The following CAMSAP3 variants were observed in gnomAD, a reference collection of about 807,000 sequenced individuals.
The protein encoded by CAMSAP3 is calmodulin regulated spectrin associated protein family member 3.
Under a neutral mutation model 112.5 loss-of-function variants are expected in CAMSAP3, and 34 were observed. That is an observed-to-expected ratio of 0.30 (90% confidence interval 0.23 to 0.40). The LOEUF is 0.40. Ranked by LOEUF, CAMSAP3 falls within the 10% of genes least tolerant of loss-of-function variation. The pLI is 1.00. For synonymous variants in CAMSAP3, 868 were observed against 799.8 expected (o/e 1.09, Z -1.44); for missense variants, 1,602 against 1,770.3 (o/e 0.90, Z 1.71).
At position 7,610,661 on chromosome 19, in the gene CAMSAP3, C is replaced by G; in HGVS notation, c.901-39C>G. 1 of 1,613,750 alleles carries G rather than the reference C, an allele frequency of 6.2e-7. No homozygotes were observed. The highest frequency in any genetic ancestry group is 2.2e-5 in the East Asian group (1 of 44,884). ...CCTGGGCCGAGGCGGGCATCTGGGG[C>G]CAGGGGTCCCGTCTGCTGACCCGGC... is the stretch of plus-strand genomic sequence containing the variant. On this transcript the variant is annotated intron_variant, in intron 6 of 16. Transcript: ENST00000160298. This position sits in a 1 kb window ranked among gnomAD's most constrained non-coding sequence, Gnocchi z 4.9.
In CAMSAP3 at chr19:7,615,019, C is replaced by A; in HGVS notation, c.2671-164C>A. 1 of 776,218 alleles carries A rather than the reference C, an allele frequency of 1.3e-6. No homozygotes were observed. The highest frequency in any genetic ancestry group is 2.2e-6 in the Non-Finnish European group (1 of 464,582). The allele number at this position is 776,218 out of a possible 1,614,324, so 48.1% of individuals were successfully genotyped here. On this transcript the variant is annotated intron_variant, in intron 11 of 16. Coordinates refer to ENST00000160298, the MANE Select transcript of CAMSAP3 (RefSeq NM_020902.2). This position sits in a 1 kb window ranked among gnomAD's most constrained non-coding sequence, Gnocchi z 6.5. ...ATCCCATCCCTGTTGTGTCCCAGTA[C>A]TTAGTGTGGGGCTGTGCATACAGTA...
Position 7,617,738 on chromosome 19 carries a change from G to A in CAMSAP3, c.3445-14G>A. 1 of 1,611,874 alleles carries A rather than the reference G, an allele frequency of 6.2e-7. No individual in the cohort carries two copies. Among genetic ancestry groups the A allele is most frequent in the Middle Eastern group, 1.7e-4 (1 of 6,058 alleles). On this transcript the variant is annotated splice_polypyrimidine_tract_variant and intron_variant, in intron 16 of 16. Coordinates refer to ENST00000160298, the MANE Select transcript of CAMSAP3 (RefSeq NM_020902.2). This position sits in a 1 kb window ranked among gnomAD's most constrained non-coding sequence, Gnocchi z 7.5. ...TGACTTGGCCAGCTGACCATTTCCA[G>A]CACTCCTGCCCAGGAAATTGAGAAA...
rs370432235 is a variant in CAMSAP3 at position 7,611,644 on chromosome 19, C to T, written c.1194-43C>T. On this transcript the variant is annotated intron_variant, in intron 10 of 16. Coordinates refer to ENST00000160298, the MANE Select transcript of CAMSAP3 (RefSeq NM_020902.2). This position sits in a 1 kb window ranked among gnomAD's most constrained non-coding sequence, Gnocchi z 6.9. Reference sequence around the variant, plus strand: ...GGAGCAGGCTAGGGCGGGTTGGGGCCGAGGCTGGTCCCAGGGGCTGACCCC... The same window carrying T: ...GGAGCAGGCTAGGGCGGGTTGGGGCTGAGGCTGGTCCCAGGGGCTGACCCC... The T allele has an allele frequency of 7.6e-6, 12 of 1,582,580 alleles. No individual in the cohort carries two copies. The highest frequency in any genetic ancestry group is 7.1e-5 in the Admixed American group (4 of 56,548).
Position 7,612,662 on chromosome 19 carries a change from G to C in CAMSAP3, c.2169G>C (p.Gln723His), listed in dbSNP as rs1037549120. 4.6e-6 allele frequency: 7 copies of C among 1,512,774 alleles called. No homozygotes were observed. Among genetic ancestry groups the C allele is most frequent in the Non-Finnish European group, 6.2e-6 (7 of 1,131,926 alleles). The allele number at this position is 1,512,774 out of a possible 1,614,324, so 93.7% of individuals were successfully genotyped here. ...GGGACATGCAGAGGCTCACGGACCAGCAGCAGCGGCTCCTGGCCCCGCCCG... is the reference window on the plus strand; with the variant it reads ...GGGACATGCAGAGGCTCACGGACCACCAGCAGCGGCTCCTGGCCCCGCCCG... ...LQRDMQRLTD[Q>H]QQRLLAPPEA... The change falls in exon 11 of 17, where the codon CAG (glutamine) becomes CAC (histidine). Residue 723 changes from glutamine (Q) to histidine (H), a missense_variant. By Grantham distance (24) the Gln-to-His change is conservative. This residue lies in a region of CAMSAP3 where 1,100 missense variants were observed against 1,135.7 expected (regional missense o/e 0.97). Transcript: ENST00000160298.
Position 7,617,779 on chromosome 19 carries a change from T to C in CAMSAP3, c.3472T>C (p.Phe1158Leu). 2 of 1,613,232 alleles carry C rather than the reference T, an allele frequency of 1.2e-6. No individual in the cohort carries two copies. The highest frequency in any genetic ancestry group is 8.5e-7 in the Non-Finnish European group (1 of 1,179,434). ...AATTGAGAAAAGCAAGGCCAACCAC[T>C]TCCTGATCCTCTTTCGCGACTCGAG... ...EEIEKSKANHFLILFRDSSCQ... is the reference protein window; with the variant it reads ...EEIEKSKANHLLILFRDSSCQ... Residue 1158 changes from phenylalanine to leucine, a missense_variant, in exon 17 of 17, where the codon TTC becomes CTC. Coordinates refer to ENST00000160298, the MANE Select transcript of CAMSAP3 (RefSeq NM_020902.2). The surrounding 1 kb of genome is among the most constrained non-coding windows in gnomAD (Gnocchi z 7.5).
rs2030288691 is a variant in CAMSAP3 at position 7,607,719 on chromosome 19, C to T, written c.622-407C>T. ...GTCAGGGAGCTGGACGGCCGGGGCTCAGGACCAGGGTCAGGGCTACCCCCT... is the reference window on the plus strand; with the variant it reads ...GTCAGGGAGCTGGACGGCCGGGGCTTAGGACCAGGGTCAGGGCTACCCCCT... On this transcript the variant is annotated intron_variant, in intron 4 of 16. Transcript: ENST00000160298. The surrounding 1 kb of genome is among the most constrained non-coding windows in gnomAD (Gnocchi z 4.9). The T allele has an allele frequency of 2.1e-6, 1 of 469,224 alleles. No homozygotes were observed. Among genetic ancestry groups the T allele is most frequent in the East Asian group, 4.0e-5 (1 of 24,946 alleles). 29.1% of individuals were successfully genotyped at this position (469,224 alleles called of 1,614,324 possible). A position where few individuals can be genotyped will look rare whatever the true frequency, so the allele number is the denominator to read the frequency against.
intron 1 of CAMSAP3, among the ~76,000 whole-genome samples, chr19:7,598,643 C>T (rs1359267962): frequency 6.6e-6 from 1 of 152,108 alleles, no homozygotes. Flanking sequence ...CAAAAATTAG[C>T]CGGGAATGAT....
At chr19:7,601,330 T>C (rs78559966) in intron 1 of CAMSAP3, among the ~76,000 whole-genome samples, 15 of 151,580 alleles carry the variant, frequency 9.9e-5, no homozygotes, top group Non-Finnish European at 2.1e-4. Context: ...CTTTTTTTTT[T>C]CTTTTTGAGA....
chr19:7,616,953 T>TTG (rs1555763717), intron 14 of CAMSAP3, among the ~76,000 whole-genome samples: 39 of 131,986 alleles, frequency 3.0e-4, no homozygotes, highest in South Asian at 9.9e-4. Flanking sequence ...TTTTTTTTTT[T>TTG]TTTTTGTTTT....
intron 2 of CAMSAP3, 61 bp from the exon 3 acceptor site, chr19:7,606,209 TG>T: frequency 2.2e-6 from 3 of 1,347,934 alleles, no homozygotes; most frequent in Non-Finnish European, 2.0e-6. Context: ...CCCAGGCCCT[TG>T]GGGGCCGAGG....
Position 7,610,816 on chromosome 19 carries a change from G to A in CAMSAP3, c.994+23G>A, listed in dbSNP as rs777316963. On this transcript the variant is annotated intron_variant, in intron 7 of 16. Transcript: ENST00000160298. This position sits in a 1 kb window ranked among gnomAD's most constrained non-coding sequence, Gnocchi z 4.9. ...ACGGTGAGGCCCTGGGGGCCTGGGG[G>A]CCGGGTCGGGGGCGGGTGGGAGAGC... The A allele has an allele frequency of 1.1e-5, 17 of 1,608,374 alleles. No individual in the cohort carries two copies. The highest frequency in any genetic ancestry group is 8.9e-5 in the East Asian group (4 of 44,882).
chr19:7,612,937 C>G lies in CAMSAP3; in HGVS notation c.2444C>G (p.Pro815Arg), dbSNP rs373855253. 5 of 1,609,156 alleles carry G rather than the reference C, an allele frequency of 3.1e-6. No homozygotes were observed. The highest frequency in any genetic ancestry group is 2.7e-5 in the African/African-American group (2 of 74,670). Residue 815 changes from proline to arginine, a missense_variant, in exon 11 of 17, where the codon CCG (proline) becomes CGG (arginine). Around this residue, in one of 6 missense-constraint regions of CAMSAP3, gnomAD observed 1,100 missense variants for 1,135.7 expected, o/e 0.97. Transcript: ENST00000160298. ...DSLPHLRKFS[P>R]SQVPVQTRSS... ...CTCCCCCACCTGCGCAAGTTCTCGC[C>G]GAGCCAGGTGCCCGTGCAGACGCGC...
Position 7,611,646 on chromosome 19 carries a change from AGGC to A in CAMSAP3, c.1194-40_1194-38del. The A allele has an allele frequency of 3.2e-6, 5 of 1,582,676 alleles. No individual in the cohort carries two copies. The highest frequency in any genetic ancestry group is 4.3e-6 in the Non-Finnish European group (5 of 1,161,842). ...AGCAGGCTAGGGCGGGTTGGGGCCG[AGGC>A]TGGTCCCAGGGGCTGACCCCTCCCT... is the stretch of plus-strand genomic sequence containing the variant. On this transcript the variant is annotated intron_variant, in intron 10 of 16. Coordinates refer to ENST00000160298, the MANE Select transcript of CAMSAP3 (RefSeq NM_020902.2). This position sits in a 1 kb window ranked among gnomAD's most constrained non-coding sequence, Gnocchi z 6.9.
At chr19:7,616,947 T>TGTTTG (rs559480154) in intron 14 of CAMSAP3, among the ~76,000 whole-genome samples, 4 of 112,392 alleles carry the variant, frequency 3.6e-5, no homozygotes, top group Admixed American at 1.7e-4. Flanking sequence ...TTTTTTTTTT[T>TGTTTG]TTTTTTTTTT....
At chr19:7,603,897 G>A (rs2030080218) in intron 1 of CAMSAP3, among the ~76,000 whole-genome samples, 1 of 152,180 alleles carries the variant, frequency 6.6e-6, no homozygotes, top group Non-Finnish European at 1.5e-5. Context: ...CACTTTGGGA[G>A]GCCAAGGTGA....
chr19:7,597,944 A>G (rs1054709143), intron 1 of CAMSAP3, among the ~76,000 whole-genome samples: 1 of 152,082 alleles, frequency 6.6e-6, no homozygotes, highest in African/African-American at 2.4e-5. Flanking sequence ...GTCAAGTTCA[A>G]TCTGTTCCCT....
Position 7,612,734 on chromosome 19 carries a change from CCCCACGACGGGG to C in CAMSAP3, c.2246_2257del (p.Thr749_Pro752del). The stretch of plus-strand genomic sequence containing the variant: ...CACCTGCTGCGTGGGTCATCCCTGG[CCCCACGACGGGG>C]CCCAAAGCTGCATCCCCCAGCCCCG... On this transcript the variant is annotated inframe_deletion, in exon 11 of 17. Coordinates refer to ENST00000160298, the MANE Select transcript of CAMSAP3 (RefSeq NM_020902.2). 3 of 1,532,056 alleles carry C rather than the reference CCCCACGACGGGG, an allele frequency of 2.0e-6. No individual in the cohort carries two copies. Among genetic ancestry groups the C allele is most frequent in the East Asian group, 2.5e-5 (1 of 40,724 alleles). The allele number at this position is 1,532,056 out of a possible 1,614,324, so 94.9% of individuals were successfully genotyped here.
At chr19:7,606,605 G>A in intron 4 of CAMSAP3, 34 bp downstream of exon 4, 1 of 1,518,222 alleles carries the variant, frequency 6.6e-7, no homozygotes, top group Non-Finnish European at 8.8e-7. Flanking sequence ...CAGAAGGATG[G>A]GGGACCGGAG....
rs969074281 is a variant in CAMSAP3 at position 7,596,210 on chromosome 19, G to T, written c.148+60G>T. 386 of 623,812 alleles carry T rather than the reference G, an allele frequency of 6.2e-4. 8 individuals carry two copies. In the East Asian group the frequency reaches 0.015, roughly 25 times the overall value. 38.6% of individuals were successfully genotyped at this position (623,812 alleles called of 1,614,324 possible). A position where few individuals can be genotyped will look rare whatever the true frequency, so the allele number is the denominator to read the frequency against. ...CGGGCCGGGCGCGGCAGGTGCTGGGGGGGGGCGGGGCGCCGGGCCGGGAAG... is the reference window on the plus strand; with the variant it reads ...CGGGCCGGGCGCGGCAGGTGCTGGGTGGGGGCGGGGCGCCGGGCCGGGAAG... On this transcript the variant is annotated intron_variant, in intron 1 of 16. Coordinates refer to ENST00000160298, the MANE Select transcript of CAMSAP3 (RefSeq NM_020902.2).
Sources: gnomAD v4.1 joint callset for allele counts (sites outside exome capture counted in the v4.1 genomes callset) on GRCh38, gnomAD v4.1.1 for gene constraint, gnomAD v4.1.1 regional missense constraint, Gnocchi (gnomAD v3.1) non-coding constraint, MANE v1.5 for transcripts, NCBI Gene and HGNC (gene_info 2026-07-23, HGNC 2026-07-21) for gene names.